The following ADAMTS19 variants were observed in gnomAD, a reference collection of about 807,000 sequenced individuals.
ADAMTS19 encodes the protein A disintegrin and metalloproteinase with thrombospondin motifs 19.
Under a neutral mutation model 153.3 loss-of-function variants are expected in ADAMTS19, and 93 were observed. That is an observed-to-expected ratio of 0.61 (90% confidence interval 0.51 to 0.72). The LOEUF (loss-of-function observed/expected upper bound fraction) is 0.72, where lower values mean the gene tolerates loss of function less well. Among genes scored for constraint, ADAMTS19 ranks in the 30% least tolerant of loss-of-function variants. The pLI, the probability that ADAMTS19 is intolerant of heterozygous loss-of-function variation, is 0.00. For synonymous variants in ADAMTS19, 600 were observed against 556.6 expected (o/e 1.08, Z -1.10); for missense variants, 1,482 against 1,552.1 (o/e 0.95, Z 0.76).
chr5:129,501,602 T>TA (rs1751110678), intron 2 of ADAMTS19, among the ~76,000 whole-genome samples: 1 of 152,124 alleles, frequency 6.6e-6, no homozygotes, highest in Admixed American at 6.6e-5. Context: ...ACAAAGGCAG[T>TA]ATGTGCTTGA....
chr5:129,734,317 A>T (rs539902400), intron 21 of ADAMTS19, among the ~76,000 whole-genome samples: 1 of 152,042 alleles, frequency 6.6e-6, no homozygotes, highest in Admixed American at 6.6e-5. Flanking sequence ...AAGAGAAAAA[A>T]AGTACCTTTT....
intron 10 of ADAMTS19, among the ~76,000 whole-genome samples, chr5:129,640,047 T>TG (rs1238673199): frequency 4.6e-5 from 7 of 152,200 alleles, no homozygotes; most frequent in Non-Finnish European, 8.8e-5. Context: ...GTAAATGCTA[T>TG]GGGCAGTTAG....
At chr5:129,540,015 C>T (rs962878668) in intron 6 of ADAMTS19, among the ~76,000 whole-genome samples, 1 of 152,036 alleles carries the variant, frequency 6.6e-6, no homozygotes, top group African/African-American at 2.4e-5. Flanking sequence ...ATATCCCTTT[C>T]TAGTTAGGGT....
In ADAMTS19 at chr5:129,622,215, G is replaced by A. The variant is rs977549883; in HGVS notation, c.1637G>A (p.Cys546Tyr). The A allele has an allele frequency of 6.2e-7, 1 of 1,613,922 alleles. No individual in the cohort carries two copies. Among genetic ancestry groups the A allele is most frequent in the African/African-American group, 1.3e-5 (1 of 74,900 alleles). ...ERFLRSKASN[C>Y]LLQTNPQSVN... ...ATTGCCAGGTCAAAGGCCAGTAACT[G>A]CTTGCTACAAACAAATCCGCAGAGT... The change falls in exon 10 of 23, where the codon TGC becomes TAC. Residue 546 changes from cysteine (C) to tyrosine (Y), a missense_variant. Transcript: ENST00000274487.
intron 7 of ADAMTS19, among the ~76,000 whole-genome samples, chr5:129,553,982 C>T (rs1173866652): frequency 1.3e-5 from 2 of 151,784 alleles, no homozygotes; most frequent in Admixed American, 6.6e-5. Flanking sequence ...AAAAATGCAG[C>T]GATAACAAAA....
At chr5:129,656,182 AT>A (rs1165268635) in intron 14 of ADAMTS19, among the ~76,000 whole-genome samples, 3 of 152,184 alleles carry the variant, frequency 2.0e-5, no homozygotes, top group Non-Finnish European at 4.4e-5. Context: ...AACAACAAAG[AT>A]TTTGCACAAA....
intron 3 of ADAMTS19, among the ~76,000 whole-genome samples, chr5:129,521,711 C>T (rs1391869179): frequency 6.6e-6 from 1 of 152,048 alleles, no homozygotes; most frequent in Non-Finnish European, 1.5e-5. Context: ...AAGGGTGACC[C>T]AAAAGTTTTA....
At chr5:129,728,004 G>A (rs1433955671) in intron 21 of ADAMTS19, among the ~76,000 whole-genome samples, 2 of 152,112 alleles carry the variant, frequency 1.3e-5, no homozygotes, top group Non-Finnish European at 2.9e-5. Flanking sequence ...GATAAAACAG[G>A]TTGCGGTAAA....
At chr5:129,672,091 T>G (rs2127097673) in intron 16 of ADAMTS19, among the ~76,000 whole-genome samples, 1 of 152,244 alleles carries the variant, frequency 6.6e-6, no homozygotes, top group African/African-American at 2.4e-5. Flanking sequence ...CATGGTGGGC[T>G]TCTGGTGAGG....
intron 10 of ADAMTS19, among the ~76,000 whole-genome samples, chr5:129,636,419 T>G (rs907901570): frequency 2.6e-5 from 4 of 152,226 alleles, no homozygotes; most frequent in African/African-American, 7.2e-5. Context: ...TTTATTGTTT[T>G]CTTTTCTTTG....
intron 14 of ADAMTS19, among the ~76,000 whole-genome samples, chr5:129,655,007 T>C (rs2127057269): frequency 6.6e-6 from 1 of 152,344 alleles, no homozygotes; most frequent in South Asian, 2.1e-4. Flanking sequence ...AAAGTGATTA[T>C]GAAGAACATA....
Position 129,622,490 on chromosome 5 carries a change from G to A in ADAMTS19, c.1770+142G>A, listed in dbSNP as rs1751825215. ...AAGGATTTTCTAAGAAAAGGTTTGT[G>A]CATTTTTTTCTTATACTTTGGAAGC... On this transcript the variant is annotated intron_variant, in intron 10 of 22. Coordinates refer to ENST00000274487, the MANE Select transcript of ADAMTS19 (RefSeq NM_133638.6). 1.1e-5 allele frequency: 11 copies of A among 988,540 alleles called. No individual in the cohort carries two copies. In the South Asian group the frequency reaches 1.7e-4, roughly 15 times the overall value. 61.2% of individuals were successfully genotyped at this position (988,540 alleles called of 1,614,324 possible).
chr5:129,543,233 TA>T (rs1178745116), intron 6 of ADAMTS19, among the ~76,000 whole-genome samples: 1 of 151,920 alleles, frequency 6.6e-6, no homozygotes, highest in Non-Finnish European at 1.5e-5. Context: ...GTATTTTTTT[TA>T]GTAGAGACGG....
chr5:129,652,771 T>G (rs1753373671), intron 13 of ADAMTS19, among the ~76,000 whole-genome samples: 1 of 152,204 alleles, frequency 6.6e-6, no homozygotes, highest in Non-Finnish European at 1.5e-5. Context: ...TATTATTTAT[T>G]CATATATCTG....
chr5:129,687,642 C>G (rs990242175), intron 18 of ADAMTS19, among the ~76,000 whole-genome samples: 49 of 152,142 alleles, frequency 3.2e-4, no homozygotes, highest in African/African-American at 1.0e-3. Flanking sequence ...AATTGAAGGG[C>G]TTAGAGGTTA....
intron 18 of ADAMTS19, 124 bp downstream of exon 18, chr5:129,684,397 G>A: frequency 1.6e-6 from 2 of 1,283,014 alleles, no homozygotes; most frequent in Non-Finnish European, 2.1e-6. Context: ...GTTAGAAATG[G>A]AAAGTTTTAT....
Position 129,737,285 on chromosome 5 carries a change from T to C in ADAMTS19, c.*67T>C. On this transcript the variant is annotated 3_prime_UTR_variant, in exon 23 of 23. Transcript: ENST00000274487. ...TTATTTATAAACACACACACTAGCA[T>C]GTTTTTCAGACCAAATATTATCAGA... 7.4e-7 allele frequency: 1 copy of C among 1,353,024 alleles called. No individual in the cohort carries two copies. The highest frequency in any genetic ancestry group is 9.8e-7 in the Non-Finnish European group (1 of 1,020,866). The allele number at this position is 1,353,024 out of a possible 1,614,324, so 83.8% of individuals were successfully genotyped here. A position where few individuals can be genotyped will look rare whatever the true frequency, so the allele number is the denominator to read the frequency against.
intron 10 of ADAMTS19, among the ~76,000 whole-genome samples, chr5:129,633,161 CCATT>C: frequency 6.6e-6 from 1 of 152,078 alleles, no homozygotes; most frequent in Non-Finnish European, 1.5e-5. Context: ...CTGCTCAAAT[CCATT>C]CAGTCAACTT....
intron 17 of ADAMTS19, among the ~76,000 whole-genome samples, chr5:129,683,280 A>G (rs766039595): frequency 6.6e-6 from 1 of 151,554 alleles, no homozygotes; most frequent in African/African-American, 2.4e-5. Context: ...TGGCCACACT[A>G]TCCAATTCTG....
Sources: gnomAD v4.1 joint callset for allele counts (sites outside exome capture counted in the v4.1 genomes callset) on GRCh38, gnomAD v4.1.1 for gene constraint, MANE v1.5 for transcripts, NCBI Gene and HGNC (gene_info 2026-07-23, HGNC 2026-07-21) for gene names.